The following ZNF440 variants were observed in gnomAD, a reference collection of about 807,000 sequenced individuals.
The protein encoded by ZNF440 is zinc finger protein 440.
Under a neutral mutation model 49.7 loss-of-function variants are expected in ZNF440, and 47 were observed. The ratio of observed to expected loss-of-function variants is 0.95; its 90% confidence interval spans 0.75 to 1.21. The LOEUF is 1.21. Ranked by LOEUF, ZNF440 falls within the 50% of genes most tolerant of loss-of-function variation. ZNF440 has a pLI of 0.00. For synonymous variants in ZNF440, 255 were observed against 237.7 expected, an observed-to-expected ratio of 1.07 and a Z score of -0.67; for missense variants, 703 against 715.0, an observed-to-expected ratio of 0.98 and a Z score of 0.19.
At chr19:11,821,684 T>G (rs948139975) in intron 1 of ZNF440, among the ~76,000 whole-genome samples, 2 of 152,332 alleles carry the variant, frequency 1.3e-5, no homozygotes, top group African/African-American at 4.8e-5. Context: ...GTGACTGTGC[T>G]GACACATGAG....
At chr19:11,827,417 C>T (rs1975881155) in intron 1 of ZNF440, 1 of 152,178 alleles carries the variant, frequency 6.6e-6, no homozygotes, top group Non-Finnish European at 1.5e-5. Context: ...AGGAGTTCTT[C>T]ATACCTTTTG....
In ZNF440 at chr19:11,832,539, G is replaced by T; in HGVS notation, c.1363G>T (p.Glu455Ter). ...TQTHIRIHSG[E>*]RRYKCKICGK... ...AACACACATAAGAATACACTCTGGA[G>T]AAAGACGTTATAAATGTAAGATATG... The change falls in exon 4 of 4, where the codon GAA becomes TAA. Residue 455 changes from glutamate to a stop codon, truncating the protein, a stop_gained. Transcript: ENST00000304060. LOFTEE classifies it high-confidence loss of function. 6.2e-7 allele frequency: 1 copy of T among 1,613,956 alleles called. No homozygotes were observed. The highest frequency in any genetic ancestry group is 8.5e-7 in the Non-Finnish European group (1 of 1,179,976).
intron 2 of ZNF440, 46 bp from the exon 3 acceptor site, chr19:11,830,571 A>T (rs375228945): frequency 7.5e-6 from 12 of 1,602,628 alleles, no homozygotes; most frequent in Non-Finnish European, 1.0e-5. Flanking sequence ...ATTTTTTCAC[A>T]ATTTTATACT....
At chr19:11,818,002 G>A (rs1975753595) in intron 1 of ZNF440, among the ~76,000 whole-genome samples, 1 of 152,074 alleles carries the variant, frequency 6.6e-6, no homozygotes, top group African/African-American at 2.4e-5. Context: ...TTGAGATTAG[G>A]GGTTCGATAC....
intron 1 of ZNF440, among the ~76,000 whole-genome samples, chr19:11,822,472 G>C (rs1436429254): frequency 1.3e-5 from 2 of 152,150 alleles, no homozygotes; most frequent in Admixed American, 6.5e-5. Context: ...ATAACCATTT[G>C]TCCCTGCTTT....
At position 11,832,996 on chromosome 19, in the gene ZNF440, G is replaced by C. The variant is rs1382484652; in HGVS notation, c.*32G>C. On this transcript the variant is annotated 3_prime_UTR_variant, in exon 4 of 4. Coordinates refer to ENST00000304060, the MANE Select transcript of ZNF440 (RefSeq NM_152357.3). ...CTGTAGAGAGACCTTATAAATGTAA[G>C]ATATGTGGGAGGGGCTTTTATTCTG... 5.6e-6 allele frequency: 9 copies of C among 1,599,228 alleles called. No homozygotes were observed. The highest frequency in any genetic ancestry group is 7.6e-6 in the Non-Finnish European group (9 of 1,177,066).
chr19:11,824,182 C>CAAAAAAAAAAA (rs200865473), intron 1 of ZNF440, among the ~76,000 whole-genome samples: 1 of 60,008 alleles, frequency 1.7e-5, no homozygotes, highest in African/African-American at 6.1e-5. Flanking sequence ...TACCCTGTTT[C>CAAAAAAAAAAA]AAAAAAAAAA....
At chr19:11,826,977 C>G (rs1236152663) in intron 1 of ZNF440, among the ~76,000 whole-genome samples, 1 of 151,302 alleles carries the variant, frequency 6.6e-6, no homozygotes, top group Non-Finnish European at 1.5e-5. Flanking sequence ...TTCATTTGCT[C>G]TTTAATAACA....
rs902576049 is a variant in ZNF440 at position 11,832,840 on chromosome 19, C to T, written c.1664C>T (p.Pro555Leu). Residue 555 changes from proline to leucine, a missense_variant, in exon 4 of 4, where the codon CCC (proline) becomes CTC (leucine). Coordinates refer to ENST00000304060, the MANE Select transcript of ZNF440 (RefSeq NM_152357.3). ...AATGACGGAAAGCCTTCAGATCTGC[C>T]CCACACCTTTGAATACGTGGTAGGA... ...VSNDGKPSDLPHTFEYVVGHT... is the reference protein window; with the variant it reads ...VSNDGKPSDLLHTFEYVVGHT... The T allele has an allele frequency of 1.7e-5, 27 of 1,613,848 alleles. No homozygotes were observed. Among genetic ancestry groups the T allele is most frequent in the Non-Finnish European group, 2.2e-5 (26 of 1,180,012 alleles).
intron 1 of ZNF440, among the ~76,000 whole-genome samples, chr19:11,825,108 G>A (rs1141199): frequency 6.6e-6 from 1 of 151,670 alleles, no homozygotes; most frequent in East Asian, 1.9e-4. Context: ...GCTTGGACTC[G>A]GGAGTTGGAG....
At position 11,833,496 on chromosome 19, in the gene ZNF440, G is replaced by A; in HGVS notation, c.*532G>A. 1 of 328,034 alleles carries A rather than the reference G, an allele frequency of 3.0e-6. No individual in the cohort carries two copies. The highest frequency in any genetic ancestry group is 5.9e-6 in the Non-Finnish European group (1 of 168,436). 20.3% of individuals were successfully genotyped at this position (328,034 alleles called of 1,614,324 possible). ...CACACTGGAAGGAAACACTATGAAT[G>A]CAAGCAATGTGGCAAAGCTTTCACT... On this transcript the variant is annotated 3_prime_UTR_variant, in exon 4 of 4. Transcript: ENST00000304060.
At chr19:11,827,579 G>A (rs138597995) in intron 1 of ZNF440, 1 of 152,130 alleles carries the variant, frequency 6.6e-6, no homozygotes, top group Admixed American at 6.5e-5. Flanking sequence ...CATGCTTTTT[G>A]TGTTGTGTGT....
At chr19:11,824,791 T>G (rs1975842809) in intron 1 of ZNF440, among the ~76,000 whole-genome samples, 2 of 143,510 alleles carry the variant, frequency 1.4e-5, no homozygotes, top group African/African-American at 5.2e-5. Flanking sequence ...CACTGCAACC[T>G]CCGCCTCCTG....
rs1029893438 is a variant in ZNF440, at chr19:11,835,090, G to C, written c.*2126G>C. On this transcript the variant is annotated 3_prime_UTR_variant, in exon 4 of 4. Transcript: ENST00000304060. ...AAAAAAGACTTGGCCTTAGGGCCGA[G>C]TGCGGTGGCTCACGCCTATAATCCC... The C allele has an allele frequency of 6.6e-6, 1 of 152,114 alleles. No individual in the cohort carries two copies. Among genetic ancestry groups the C allele is most frequent in the Non-Finnish European group, 1.5e-5 (1 of 68,092 alleles). The allele number at this position is 152,114 out of a possible 1,614,324, so 9.4% of individuals were successfully genotyped here.
At chr19:11,825,090 G>T (rs866092227) in intron 1 of ZNF440, among the ~76,000 whole-genome samples, 1 of 151,816 alleles carries the variant, frequency 6.6e-6, no homozygotes, top group Middle Eastern at 3.2e-3. Flanking sequence ...GGCCAAAGCA[G>T]CAGGACAGCT....
chr19:11,833,104 C>T lies in ZNF440; in HGVS notation c.*140C>T, dbSNP rs1260261137. On this transcript the variant is annotated 3_prime_UTR_variant, in exon 4 of 4. Transcript: ENST00000304060. ...AGCAATGTGGGAAAGCCTTTGTTTC[C>T]TTCACTTCCTTTCGATATCATGAAA... is the stretch of plus-strand genomic sequence containing the variant. The T allele has an allele frequency of 1.4e-6, 2 of 1,410,170 alleles. No individual in the cohort carries two copies. Among genetic ancestry groups the T allele is most frequent in the East Asian group, 4.9e-5 (2 of 40,470 alleles). The allele number at this position is 1,410,170 out of a possible 1,614,324, so 87.4% of individuals were successfully genotyped here. A position where few individuals can be genotyped will look rare whatever the true frequency, so the allele number is the denominator to read the frequency against.
At chr19:11,823,404 G>A (rs1354027114) in intron 1 of ZNF440, among the ~76,000 whole-genome samples, 3 of 151,956 alleles carry the variant, frequency 2.0e-5, no homozygotes, top group African/African-American at 7.3e-5. Context: ...CTTAGTCATT[G>A]TGTTATATTT....
In ZNF440 at chr19:11,832,048, A is replaced by G. The variant is rs1433619140; in HGVS notation, c.872A>G (p.Lys291Arg). ...EKAYQCKECG[K>R]AFTCPRYVRI... ...GCTTATCAATGTAAGGAATGTGGAAAAGCATTCACGTGTCCCCGTTATGTT... is the reference window on the plus strand; with the variant it reads ...GCTTATCAATGTAAGGAATGTGGAAGAGCATTCACGTGTCCCCGTTATGTT... The change falls in exon 4 of 4, where the codon AAA becomes AGA. Residue 291 changes from lysine (K) to arginine (R), a missense_variant. By Grantham distance (26) the Lys-to-Arg change is conservative. Transcript: ENST00000304060. 12 of 1,614,038 alleles carry G rather than the reference A, an allele frequency of 7.4e-6. No individual in the cohort carries two copies. In the Admixed American group the frequency reaches 2.0e-4, roughly 27 times the overall value.
intron 1 of ZNF440, among the ~76,000 whole-genome samples, chr19:11,815,327 A>ACACACACACACACACACACACACAC (rs1568237561): frequency 1.5e-5 from 1 of 68,280 alleles, no homozygotes; most frequent in Non-Finnish European, 3.4e-5. Flanking sequence ...CACACACACA[A>ACACACACACACACACACACACACAC]ATTAAATAGG....
Sources: gnomAD v4.1 joint callset for allele counts (sites outside exome capture counted in the v4.1 genomes callset) on GRCh38, gnomAD v4.1.1 for gene constraint, MANE v1.5 for transcripts, NCBI Gene and HGNC (gene_info 2026-07-23, HGNC 2026-07-21) for gene names.